Variants in RP1L1 observed in about 807,000 individuals in gnomAD.
RP1L1 encodes retinitis pigmentosa 1-like 1 protein.
RP1L1 carries 27 observed loss-of-function variants against 15.7 expected under a neutral mutation model. The ratio of observed to expected loss-of-function variants is 1.72; its 90% CI spans 1.27 to 2.38. The LOEUF (loss-of-function observed/expected upper bound fraction) is 2.38. RP1L1 is among the 30% of genes most tolerant of loss of function. The pLI, the probability that RP1L1 is intolerant of heterozygous loss-of-function variation, is 0.00. For missense variants in RP1L1, 4,798 were observed against 3,075.9 expected, an observed-to-expected ratio of 1.56 and a Z score of -13.24; for synonymous variants, 1,813 against 1,276.7, an observed-to-expected ratio of 1.42 and a Z score of -8.96.
chr8:10,619,059 G>A (rs1295640444), intron 2 of RP1L1, among the ~76,000 whole-genome samples: 2 of 152,070 alleles, frequency 1.3e-5, no homozygotes, highest in East Asian at 1.9e-4. Context: ...TAGTAGAGAT[G>A]GGGTTTCCCC....
At chr8:10,640,055 A>G (rs926008279) in intron 1 of RP1L1, among the ~76,000 whole-genome samples, 8 of 152,240 alleles carry the variant, frequency 5.3e-5, no homozygotes, top group African/African-American at 1.9e-4. Context: ...TAAAAACAAA[A>G]CTAAAACATA....
rs759412489 is a variant in RP1L1, at chr8:10,609,612, T to G, written c.4486A>C (p.Thr1496Pro). 69 of 1,607,138 alleles carry G rather than the reference T, an allele frequency of 4.3e-5. No homozygotes were observed. Among genetic ancestry groups the G allele is most frequent in the Non-Finnish European group, 5.6e-5 (66 of 1,179,834 alleles). The change falls in exon 4 of 4, where the codon ACC becomes CCC. Residue 1496 changes from threonine to proline, a missense_variant. Transcript: ENST00000382483. The stretch of plus-strand genomic sequence containing the variant: ...GAGCTCCTCTCTGCAGCCCCCTGGG[T>G]GGGTTGGGCCTGCGTGTGCTCTTGG... ...MGQEHTQAQP[T>P]QGAAERSSSV... is the part of the protein sequence containing the mutation.
chr8:10,626,115 G>A (rs778312404), intron 1 of RP1L1, among the ~76,000 whole-genome samples: 75 of 152,124 alleles, frequency 4.9e-4, no homozygotes, highest in Non-Finnish European at 5.6e-4. Context: ...GGGGCAGGGC[G>A]GACCTGCAGG....
chr8:10,636,345 A>C (rs1446710114), intron 1 of RP1L1, among the ~76,000 whole-genome samples: 1 of 152,162 alleles, frequency 6.6e-6, no homozygotes, highest in Non-Finnish European at 1.5e-5. Context: ...AGGCGGCCAG[A>C]CCCGTCAGCA....
At position 10,635,163 on chromosome 8, in the gene RP1L1, G is replaced by A. The variant is rs563769847; in HGVS notation, c.-19-11943C>T. Reference sequence around the variant, plus strand: ...TTCATCTGATCTTGCCACTGGCCACGGCATGTCCTTGAGGAAGTCACTTTA... The same window carrying A: ...TTCATCTGATCTTGCCACTGGCCACAGCATGTCCTTGAGGAAGTCACTTTA... On this transcript the variant is annotated intron_variant, in intron 1 of 3. Coordinates refer to ENST00000382483, the MANE Select transcript of RP1L1 (RefSeq NM_178857.6). Among the ~76,000 whole-genome samples, 6 of 152,280 alleles carry A rather than the reference G, an allele frequency of 3.9e-5. No individual in the cohort carries two copies. In the East Asian group the frequency reaches 9.7e-4, roughly 25 times the overall value.
Position 10,606,999 on chromosome 8 carries a change from T to C in RP1L1, c.7099A>G (p.Ser2367Gly). 2.5e-6 allele frequency: 4 copies of C among 1,614,206 alleles called. No individual in the cohort carries two copies. Among genetic ancestry groups the C allele is most frequent in the Non-Finnish European group, 3.4e-6 (4 of 1,180,036 alleles). Reference protein sequence around the residue: ...LGSRTPEQGASEGYDLQEDQA... With the variant: ...LGSRTPEQGAGEGYDLQEDQA... ...TCCTCTTGTAGGTCATAACCTTCAC[T>C]GGCCCCCTGCTCTGGAGTCCTTGAG... The change falls in exon 4 of 4, where the codon AGT (serine) becomes GGT (glycine). Residue 2367 changes from serine (S) to glycine (G), a missense_variant. Coordinates refer to ENST00000382483, the MANE Select transcript of RP1L1 (RefSeq NM_178857.6).
At chr8:10,625,120 C>G (rs1040738612) in intron 1 of RP1L1, among the ~76,000 whole-genome samples, 2 of 152,220 alleles carry the variant, frequency 1.3e-5, no homozygotes, top group African/African-American at 4.8e-5. Context: ...GTATCAGTCA[C>G]TTTTCCCCTT....
At position 10,622,902 on chromosome 8, in the gene RP1L1, GC is replaced by G; in HGVS notation, c.299del (p.Gly100AlafsTer57). 1.9e-6 allele frequency: 3 copies of G among 1,613,918 alleles called. No individual in the cohort carries two copies. Among genetic ancestry groups the G allele is most frequent in the Non-Finnish European group, 2.5e-6 (3 of 1,179,922 alleles). The stretch of plus-strand genomic sequence containing the variant: ...GCTTCTTATCAGAGCAGAGGTAGCA[GC>G]CTCCATCTTCCAGCTGCTCCAGGGC... ...LSALEQLEDG[G>X]CYLCSDKKPP... On this transcript the variant is annotated frameshift_variant, in exon 2 of 4. Coordinates refer to ENST00000382483, the MANE Select transcript of RP1L1 (RefSeq NM_178857.6). LOFTEE classifies it high-confidence loss of function.
intron 1 of RP1L1, 135 bp from the exon 2 acceptor site, chr8:10,623,355 C>G (rs990171582): frequency 8.6e-6 from 6 of 697,154 alleles, no homozygotes; most frequent in Non-Finnish European, 1.4e-5. Context: ...GCAAGTGAAT[C>G]TATTTGGATG....
rs1563123287 is a variant in RP1L1, at chr8:10,610,729, G to T, written c.3369C>A (p.Ala1123=). The change falls in exon 4 of 4, where the codon GCC becomes GCA. Residue 1123 remains alanine (A), a synonymous_variant. Transcript: ENST00000382483. ...GGTCTTCCTCAAATAACTGCAGACT[G>T]GCCAGACAAGTAATGAGGGCCCCGG... ...CSAGALITCL[A]SLQLFEEDLG... is the part of the protein sequence containing the mutation. The T allele has an allele frequency of 6.2e-7, 1 of 1,613,540 alleles. No homozygotes were observed. The highest frequency in any genetic ancestry group is 8.5e-7 in the Non-Finnish European group (1 of 1,180,038).
At chr8:10,617,551 T>TC (rs1797989332) in intron 2 of RP1L1, among the ~76,000 whole-genome samples, 19 of 103,288 alleles carry the variant, frequency 1.8e-4, no homozygotes, top group African/African-American at 6.2e-4. Context: ...TTTTTCTTTT[T>TC]TTTTTTTTTT....
Position 10,612,593 on chromosome 8 carries a change from T to G in RP1L1, c.1505A>C (p.Asp502Ala), listed in dbSNP as rs749414650. ...ERKAGGSLGEDPGLCIDGAGL... is the reference protein window; with the variant it reads ...ERKAGGSLGEAPGLCIDGAGL... ...TGCTCCATCTATGCATAGGCCGGGG[T>G]CCTCACCCAGGCTCCCTCCAGCTTT... Residue 502 changes from aspartate (D) to alanine (A), a missense_variant, in exon 4 of 4, where the codon GAC (aspartate) becomes GCC (alanine). Coordinates refer to ENST00000382483, the MANE Select transcript of RP1L1 (RefSeq NM_178857.6). 3.7e-6 allele frequency: 6 copies of G among 1,603,732 alleles called. No individual in the cohort carries two copies. The East Asian group carries it at 1.3e-4, about 36-fold the overall frequency.
intron 1 of RP1L1, among the ~76,000 whole-genome samples, chr8:10,631,570 G>C (rs139522418): frequency 1.5e-3 from 224 of 152,324 alleles, no homozygotes; most frequent in African/African-American, 5.2e-3. Context: ...GTTACCTAGA[G>C]AGATGGCCGG....
rs570063689 is a variant in RP1L1 at position 10,612,122 on chromosome 8, A to T, written c.1976T>A (p.Val659Glu). ...ATGCCTGGGATGGCCTCTCGGGGCC[A>T]CTCGGCCAAGGCCAGGGCTGCTGGG... ...SSPSSPGLGRVAPRGHPRHSH... is the reference protein window; with the variant it reads ...SSPSSPGLGREAPRGHPRHSH... The change falls in exon 4 of 4, where the codon GTG (valine) becomes GAG (glutamate). Residue 659 changes from valine to glutamate, a missense_variant. By Grantham distance (121) the Val-to-Glu change is moderately radical. Transcript: ENST00000382483. 8 of 1,613,608 alleles carry T rather than the reference A, an allele frequency of 5.0e-6. No individual in the cohort carries two copies. Among genetic ancestry groups the T allele is most frequent in the Middle Eastern group, 1.6e-4 (1 of 6,062 alleles).
chr8:10,626,317 G>A (rs1017866713), intron 1 of RP1L1, among the ~76,000 whole-genome samples: 1 of 152,210 alleles, frequency 6.6e-6, no homozygotes, highest in Non-Finnish European at 1.5e-5. Flanking sequence ...GGGCTGAGCA[G>A]GGAGAGGGAC....
At chr8:10,640,805 C>T (rs1199484660) in intron 1 of RP1L1, among the ~76,000 whole-genome samples, 1 of 152,064 alleles carries the variant, frequency 6.6e-6, no homozygotes, top group Non-Finnish European at 1.5e-5. Context: ...GAAACAGGGT[C>T]TGTCGCCCAA....
rs755546851 is a variant in RP1L1, at chr8:10,610,195, C to T, written c.3903G>A (p.Val1301=). ...TTCCTTCTTTAGTTTCCTCTAATTG[C>T]ACCTCTTCTTGCACTGTGTTTTCAG... is the stretch of plus-strand genomic sequence containing the variant. ...QLAENTVQEE[V]QLEETKEGTE... Residue 1301 remains valine, a synonymous_variant, in exon 4 of 4, where the codon GTG becomes GTA. Coordinates refer to ENST00000382483, the MANE Select transcript of RP1L1 (RefSeq NM_178857.6). 18 of 1,400,282 alleles carry T rather than the reference C, an allele frequency of 1.3e-5. No homozygotes were observed. In the South Asian group the frequency reaches 1.9e-4, roughly 15 times the overall value. 86.7% of individuals were successfully genotyped at this position (1,400,282 alleles called of 1,614,324 possible).
chr8:10,610,863 C>T lies in RP1L1; in HGVS notation c.3235G>A (p.Val1079Met), dbSNP rs199978661. The T allele has an allele frequency of 1.3e-4, 207 of 1,608,420 alleles. No homozygotes were observed. The African/African-American group carries it at 2.5e-3, about 19-fold the overall frequency. The change falls in exon 4 of 4, where the codon GTG (valine) becomes ATG (methionine). Residue 1079 changes from valine (V) to methionine (M), a missense_variant. Coordinates refer to ENST00000382483, the MANE Select transcript of RP1L1 (RefSeq NM_178857.6). ...RVSLRALPGRVSASTQIMRAL... is the reference protein window; with the variant it reads ...RVSLRALPGRMSASTQIMRAL... ...CTCATGATCTGCGTGGAGGCAGACA[C>T]CCGGCCAGGAAGTGCCCGCAGGCTC...
At position 10,610,479 on chromosome 8, in the gene RP1L1, A is replaced by C. The variant is rs1797824953; in HGVS notation, c.3619T>G (p.Ser1207Ala). Residue 1207 changes from serine (S) to alanine (A), a missense_variant, in exon 4 of 4, where the codon TCT becomes GCT. By Grantham distance (99) the Ser-to-Ala change is moderately conservative. Coordinates refer to ENST00000382483, the MANE Select transcript of RP1L1 (RefSeq NM_178857.6). ...ACGCTACTCTCCCCTGAGCCTCCAG[A>C]GCCGCTGCTGATGTCCACACCAGAG... The part of the protein sequence containing the change: ...SSSGVDISSG[S>A]GGSGESSVPC... The C allele has an allele frequency of 6.2e-7, 1 of 1,613,590 alleles. No individual in the cohort carries two copies. Among genetic ancestry groups the C allele is most frequent in the Non-Finnish European group, 8.5e-7 (1 of 1,179,992 alleles).
Sources: allele counts gnomAD v4.1 joint callset (sites outside exome capture counted in the v4.1 genomes callset), GRCh38; gene constraint gnomAD v4.1.1; transcripts MANE v1.5; gene names NCBI Gene and HGNC (gene_info 2026-07-23, HGNC 2026-07-21).